The following HS6ST3 variants were observed in gnomAD, a reference collection of about 807,000 sequenced individuals.
HS6ST3 encodes heparan sulfate 6-O-sulfotransferase 3.
In HS6ST3, 12 loss-of-function variants were observed where a neutral mutation model predicts 36.7. The observed-to-expected ratio is 0.33, with a 90% CI of 0.21 to 0.53. HS6ST3 has a LOEUF of 0.53. Among genes scored for constraint, HS6ST3 ranks in the 20% least tolerant of loss-of-function variants. HS6ST3 has a pLI of 0.95. For synonymous variants in HS6ST3, 240 were observed against 257.5 expected, an observed-to-expected ratio of 0.93 and a Z score of 0.65; for missense variants, 584 against 640.9, an observed-to-expected ratio of 0.91 and a Z score of 0.96.
At chr13:96,803,924 A>G (rs867503689) in intron 1 of HS6ST3, among the ~76,000 whole-genome samples, 1 of 152,148 alleles carries the variant, frequency 6.6e-6, no homozygotes. Context: ...TGCTCTGCAG[A>G]ACCAGACAGA....
At chr13:96,200,128 C>T (rs142825019) in intron 1 of HS6ST3, among the ~76,000 whole-genome samples, 1 of 152,302 alleles carries the variant, frequency 6.6e-6, no homozygotes, top group East Asian at 1.9e-4. Flanking sequence ...GATCATTCAG[C>T]TGTGTGCCCC....
chr13:96,706,613 G>A (rs1875434788), intron 1 of HS6ST3, among the ~76,000 whole-genome samples: 1 of 151,698 alleles, frequency 6.6e-6, no homozygotes, highest in South Asian at 2.1e-4. Context: ...GGGTACCTAT[G>A]AGTTTGAGAG....
At chr13:96,560,358 A>G (rs1348657653) in intron 1 of HS6ST3, among the ~76,000 whole-genome samples, 1 of 152,186 alleles carries the variant, frequency 6.6e-6, no homozygotes, top group Non-Finnish European at 1.5e-5. Flanking sequence ...CTCTTTAAAA[A>G]TCATACACTA....
At chr13:96,224,033 G>C (rs2054468729) in intron 1 of HS6ST3, among the ~76,000 whole-genome samples, 1 of 150,182 alleles carries the variant, frequency 6.7e-6, no homozygotes, top group South Asian at 2.1e-4. Flanking sequence ...CTTTTGCACA[G>C]TATAAATTCA....
chr13:96,255,646 G>A (rs1285035740), intron 1 of HS6ST3, among the ~76,000 whole-genome samples: 1 of 152,130 alleles, frequency 6.6e-6, no homozygotes, highest in Non-Finnish European at 1.5e-5. Flanking sequence ...TTAGGTTGTG[G>A]ACTTTCATGG....
At chr13:96,576,083 G>T (rs951676476) in intron 1 of HS6ST3, among the ~76,000 whole-genome samples, 1 of 152,312 alleles carries the variant, frequency 6.6e-6, no homozygotes, top group Admixed American at 6.5e-5. Context: ...TGCCAGGAAT[G>T]GGGGAGAGGG....
chr13:96,330,553 C>T lies in HS6ST3; in HGVS notation c.707+238984C>T, dbSNP rs1172337269. ...TGTAGGGTTTCTGCTGAGAGATCTG[C>T]TGTTAGTCTGATGGGTTTCCCTTTG... On this transcript the variant is annotated intron_variant, in intron 1 of 1. Coordinates refer to ENST00000376705, the MANE Select transcript of HS6ST3 (RefSeq NM_153456.4). Among the ~76,000 whole-genome samples the T allele has an allele frequency of 3.3e-5, 5 of 152,296 alleles. No homozygotes were observed. In the East Asian group the frequency reaches 9.7e-4, roughly 29 times the overall value.
At chr13:96,175,358 GT>G (rs35712099) in intron 1 of HS6ST3, among the ~76,000 whole-genome samples, 53,799 of 150,086 alleles carry the variant, frequency 0.36, 10,814 homozygotes, top group Non-Finnish European at 0.47. Context: ...TTTTGTAACA[GT>G]TTTTTTTTTC....
intron 1 of HS6ST3, among the ~76,000 whole-genome samples, chr13:96,381,352 A>G (rs1005328844): frequency 2.0e-5 from 3 of 151,880 alleles, no homozygotes; most frequent in East Asian, 1.9e-4. Flanking sequence ...ACATATATAT[A>G]TGTGTGTGTA....
At chr13:96,095,175 A>G (rs368751080) in intron 1 of HS6ST3, among the ~76,000 whole-genome samples, 30 of 152,174 alleles carry the variant, frequency 2.0e-4, no homozygotes, top group African/African-American at 7.2e-4. Flanking sequence ...CTTACTATAT[A>G]TCTTGTGTTT....
At chr13:96,168,032 C>A (rs564000665) in intron 1 of HS6ST3, among the ~76,000 whole-genome samples, 2 of 152,034 alleles carry the variant, frequency 1.3e-5, no homozygotes, top group Admixed American at 1.3e-4. Context: ...TTGAACAAAT[C>A]GAAAGTTTTA....
intron 1 of HS6ST3, among the ~76,000 whole-genome samples, chr13:96,510,022 G>T (rs1445307912): frequency 6.6e-6 from 1 of 152,044 alleles, no homozygotes; most frequent in Admixed American, 6.6e-5. Context: ...ATTTATTTCA[G>T]CAGTGTTTTG....
chr13:96,650,781 C>T (rs1412200345), intron 1 of HS6ST3, among the ~76,000 whole-genome samples: 1 of 152,044 alleles, frequency 6.6e-6, no homozygotes, highest in African/African-American at 2.4e-5. Context: ...ATGTATTGTC[C>T]TGCAAAGTTC....
At chr13:96,808,882 G>A (rs569090423) in intron 1 of HS6ST3, among the ~76,000 whole-genome samples, 122 of 152,268 alleles carry the variant, frequency 8.0e-4, no homozygotes, top group Middle Eastern at 3.4e-3. Context: ...ATGCTTAATA[G>A]GAAGGAAATC....
At chr13:96,138,153 A>G (rs1393785764) in intron 1 of HS6ST3, among the ~76,000 whole-genome samples, 1 of 152,186 alleles carries the variant, frequency 6.6e-6, no homozygotes, top group Non-Finnish European at 1.5e-5. Flanking sequence ...GTAATTTACA[A>G]AATCTGTTAT....
intron 1 of HS6ST3, among the ~76,000 whole-genome samples, chr13:96,731,749 TG>T (rs1876159735): frequency 6.6e-6 from 1 of 151,792 alleles, no homozygotes; most frequent in Non-Finnish European, 1.5e-5. Context: ...GCCTTCCCCC[TG>T]GCTCAGGCAA....
intron 1 of HS6ST3, among the ~76,000 whole-genome samples, chr13:96,137,004 A>G (rs894538012): frequency 6.6e-6 from 1 of 152,000 alleles, no homozygotes; most frequent in Admixed American, 6.6e-5. Context: ...CTTTCTAGAG[A>G]CTTATTTTAT....
intron 1 of HS6ST3, among the ~76,000 whole-genome samples, chr13:96,393,530 C>G (rs1277386275): frequency 6.6e-6 from 1 of 152,138 alleles, no homozygotes; most frequent in African/African-American, 2.4e-5. Flanking sequence ...TATAGACAGG[C>G]ATATATTTTT....
chr13:96,706,413 TTATATATA>T (rs3052119), intron 1 of HS6ST3, among the ~76,000 whole-genome samples: 10 of 121,026 alleles, frequency 8.3e-5, no homozygotes, highest in South Asian at 2.6e-4. Flanking sequence ...AGAATATATT[TTATATATA>T]TATATATATA....
Sources: allele counts gnomAD v4.1 joint callset (sites outside exome capture counted in the v4.1 genomes callset), GRCh38; gene constraint gnomAD v4.1.1; transcripts MANE v1.5; gene names NCBI Gene and HGNC (gene_info 2026-07-23, HGNC 2026-07-21).